MCU: variants seen among roughly 807,000 people sequenced by gnomAD.
The protein encoded by MCU is calcium uniporter protein, mitochondrial.
In MCU, 12 loss-of-function variants were observed where a neutral mutation model predicts 45.2. That is an observed-to-expected ratio of 0.27 (90% CI 0.17 to 0.43). The LOEUF (loss-of-function observed/expected upper bound fraction) is 0.43, where lower values mean the gene tolerates loss of function less well. Among genes scored for constraint, MCU ranks in the 20% least tolerant of loss-of-function variants. The probability of loss-of-function intolerance (pLI) is 1.00; values close to 1 mark genes in which losing one functional copy is unlikely to be tolerated. For synonymous variants in MCU, 160 were observed against 165.1 expected (o/e 0.97, Z 0.24); for missense variants, 324 against 436.7 (o/e 0.74, Z 2.30).
intron 1 of MCU, among the ~76,000 whole-genome samples, chr10:72,824,197 C>CT (rs35710019): frequency 0.078 from 10,498 of 135,158 alleles, 712 homozygotes; most frequent in African/African-American, 0.18. Flanking sequence ...TGATTTCTTT[C>CT]TTTTTTTTTT....
intron 1 of MCU, among the ~76,000 whole-genome samples, chr10:72,804,348 C>T (rs1844397187): frequency 6.6e-6 from 1 of 151,756 alleles, no homozygotes; most frequent in African/African-American, 2.4e-5. Flanking sequence ...CTTGGCCTCT[C>T]AAAATACTAG....
chr10:72,761,996 T>A (rs1843663283), intron 1 of MCU, among the ~76,000 whole-genome samples: 1 of 152,160 alleles, frequency 6.6e-6, no homozygotes, highest in Admixed American at 6.6e-5. Flanking sequence ...TTATCCAAAG[T>A]GATTTGTCCT....
chr10:72,778,104 A>T (rs568748098), intron 1 of MCU, among the ~76,000 whole-genome samples: 2 of 152,356 alleles, frequency 1.3e-5, no homozygotes, highest in East Asian at 3.9e-4. Flanking sequence ...GCCACTATGG[A>T]GAACAATATG....
At chr10:72,715,138 T>C in intron 1 of MCU, 1 of 984,008 alleles carries the variant, frequency 1.0e-6, no homozygotes, top group African/African-American at 1.7e-5. Flanking sequence ...CTACAGTGAT[T>C]GGCAAGATAC....
chr10:72,768,235 A>G (rs1423231725), intron 1 of MCU, among the ~76,000 whole-genome samples: 2 of 152,194 alleles, frequency 1.3e-5, no homozygotes, highest in Non-Finnish European at 2.9e-5. Context: ...TTGGAATTTT[A>G]GGTGGAACTA....
chr10:72,755,058 T>C (rs111487252), intron 1 of MCU, among the ~76,000 whole-genome samples: 1 of 152,000 alleles, frequency 6.6e-6, no homozygotes, highest in African/African-American at 2.4e-5. Context: ...GGGAATATAA[T>C]AAGTATAGTG....
intron 1 of MCU, among the ~76,000 whole-genome samples, chr10:72,785,026 A>G (rs766413458): frequency 1.3e-5 from 2 of 152,198 alleles, no homozygotes; most frequent in Non-Finnish European, 2.9e-5. Flanking sequence ...AGGCTTCTAC[A>G]TAGTACAGGG....
At chr10:72,714,217 G>A (rs1248279321) in intron 1 of MCU, among the ~76,000 whole-genome samples, 2 of 151,354 alleles carry the variant, frequency 1.3e-5, no homozygotes, top group East Asian at 1.9e-4. Context: ...TGCCCACCGC[G>A]GCCTCCCAAA....
intron 1 of MCU, among the ~76,000 whole-genome samples, chr10:72,736,244 A>G (rs146833987): frequency 3.5e-4 from 53 of 152,120 alleles, no homozygotes; most frequent in Non-Finnish European, 5.6e-4. Context: ...TCTTTTCTGT[A>G]GTTGATCTGG....
intron 1 of MCU, among the ~76,000 whole-genome samples, chr10:72,828,673 A>T (rs548697523): frequency 6.6e-6 from 1 of 152,352 alleles, no homozygotes; most frequent in East Asian, 1.9e-4. Flanking sequence ...ATTTATGATC[A>T]TAGTAAGGAA....
intron 1 of MCU, among the ~76,000 whole-genome samples, chr10:72,724,083 C>G (rs112680768): frequency 0.019 from 2,870 of 152,248 alleles, 81 homozygotes; most frequent in African/African-American, 0.065. Flanking sequence ...TGTAGATATA[C>G]TATATTTTTA....
chr10:72,710,835 A>G (rs1487094462), intron 1 of MCU, among the ~76,000 whole-genome samples: 2 of 151,990 alleles, frequency 1.3e-5, no homozygotes, highest in Non-Finnish European at 2.9e-5. Flanking sequence ...TCCTTTATCT[A>G]CACCTATCTT....
At chr10:72,839,546 G>A (rs1179169678) in intron 2 of MCU, among the ~76,000 whole-genome samples, 7 of 152,034 alleles carry the variant, frequency 4.6e-5, no homozygotes, top group East Asian at 3.9e-4. Flanking sequence ...GTGTGTATTC[G>A]TAGGTCTTTA....
chr10:72,765,569 A>C (rs187576807), intron 1 of MCU, among the ~76,000 whole-genome samples: 14 of 152,162 alleles, frequency 9.2e-5, no homozygotes, highest in African/African-American at 3.4e-4. Context: ...AAAGGCAGGA[A>C]GATAGCTTGT....
chr10:72,769,770 C>T (rs146407781), intron 1 of MCU, among the ~76,000 whole-genome samples: 1 of 152,306 alleles, frequency 6.6e-6, no homozygotes, highest in East Asian at 1.9e-4. Flanking sequence ...AGTCATTTCT[C>T]ATTTCCCCAC....
intron 1 of MCU, among the ~76,000 whole-genome samples, chr10:72,798,227 A>G (rs1844281795): frequency 1.3e-5 from 2 of 152,224 alleles, no homozygotes; most frequent in Non-Finnish European, 2.9e-5. Flanking sequence ...GGATAGTTTT[A>G]CTAAACTGAA....
At position 72,871,627 on chromosome 10, in the gene MCU, T is replaced by C. The variant is rs774982683; in HGVS notation, c.861+47T>C. Reference sequence around the variant, plus strand: ...CTTTTTATGAGATAGTAATAAAGTTTTGATTGTCAAAAGAGTTCTTTTTTC... The same window carrying C: ...CTTTTTATGAGATAGTAATAAAGTTCTGATTGTCAAAAGAGTTCTTTTTTC... On this transcript the variant is annotated intron_variant, in intron 6 of 7. Transcript: ENST00000373053. The C allele has an allele frequency of 3.3e-6, 5 of 1,519,638 alleles. No individual in the cohort carries two copies. The African/African-American group carries it at 6.9e-5, about 21-fold the overall frequency. 94.1% of individuals were successfully genotyped at this position (1,519,638 alleles called of 1,614,324 possible).
intron 1 of MCU, among the ~76,000 whole-genome samples, chr10:72,722,620 T>C (rs1843039650): frequency 6.6e-6 from 1 of 152,014 alleles, no homozygotes; most frequent in African/African-American, 2.4e-5. Context: ...AAAATTAATT[T>C]TTCAGGGGTA....
At chr10:72,797,920 G>C (rs1468220888) in intron 1 of MCU, among the ~76,000 whole-genome samples, 1 of 152,072 alleles carries the variant, frequency 6.6e-6, no homozygotes, top group Non-Finnish European at 1.5e-5. Flanking sequence ...TTCCATCTTA[G>C]TTGTGAATCA....
Sources: allele counts gnomAD v4.1 joint callset (sites outside exome capture counted in the v4.1 genomes callset), GRCh38; gene constraint gnomAD v4.1.1; transcripts MANE v1.5; gene names NCBI Gene and HGNC (gene_info 2026-07-23, HGNC 2026-07-21).